Variants in RNF111 observed in about 807,000 individuals in gnomAD.
RNF111 encodes E3 ubiquitin-protein ligase Arkadia.
RNF111 carries 17 observed loss-of-function variants against 95.1 expected under a neutral mutation model. That is an observed-to-expected ratio of 0.18 (90% confidence interval 0.12 to 0.27). RNF111 has a LOEUF of 0.27. Ranked by LOEUF, RNF111 falls within the 10% of genes least tolerant of loss-of-function variation. RNF111 has a pLI of 1.00. For synonymous variants in RNF111, 440 were observed against 414.8 expected, an observed-to-expected ratio of 1.06 and a Z score of -0.74; for missense variants, 1,189 against 1,210.4, an observed-to-expected ratio of 0.98 and a Z score of 0.26.
intron 1 of RNF111, among the ~76,000 whole-genome samples, chr15:58,998,349 G>C (rs1301786467): frequency 6.6e-6 from 1 of 151,806 alleles, no homozygotes; most frequent in Non-Finnish European, 1.5e-5. Flanking sequence ...CACCACCCAG[G>C]TATTAAGCCT....
intron 1 of RNF111, among the ~76,000 whole-genome samples, chr15:58,999,213 C>G (rs1425217283): frequency 1.3e-5 from 2 of 152,126 alleles, no homozygotes; most frequent in Non-Finnish European, 2.9e-5. Context: ...TGTGACAATC[C>G]AGTTTTCTTC....
chr15:59,054,196 C>G (rs772306452), intron 3 of RNF111, among the ~76,000 whole-genome samples: 9 of 152,238 alleles, frequency 5.9e-5, no homozygotes, highest in South Asian at 4.1e-4. Context: ...CTCGGCCTCC[C>G]AAAGTGCTAG....
intron 1 of RNF111, among the ~76,000 whole-genome samples, chr15:59,018,625 C>T (rs2040184208): frequency 6.6e-6 from 1 of 152,054 alleles, no homozygotes; most frequent in South Asian, 2.1e-4. Context: ...AATTTCTACC[C>T]TATTGTTTCA....
chr15:58,994,666 C>T (rs553594155), intron 1 of RNF111, among the ~76,000 whole-genome samples: 14 of 149,522 alleles, frequency 9.4e-5, no homozygotes, highest in African/African-American at 2.9e-4. Context: ...TAGTTAGAGA[C>T]GAGGTTTCAC....
chr15:59,085,744 C>G lies in RNF111; in HGVS notation c.2509C>G (p.Pro837Ala). Residue 837 changes from proline (P) to alanine (A), a missense_variant, in exon 10 of 14, where the codon CCT becomes GCT. Transcript: ENST00000348370. The stretch of plus-strand genomic sequence containing the variant: ...TCACTTGGCCCATTATCACGCACCT[C>G]CTCGACTTCATCACTTACAATTAGG... Reference protein sequence around the residue: ...HPHLAHYHAPPRLHHLQLGAL... With the variant: ...HPHLAHYHAPARLHHLQLGAL... The G allele has an allele frequency of 6.2e-7, 1 of 1,613,508 alleles. No homozygotes were observed. The highest frequency in any genetic ancestry group is 8.5e-7 in the Non-Finnish European group (1 of 1,179,648).
At chr15:59,055,969 AT>A (rs1411695049) in intron 4 of RNF111, 124 bp downstream of exon 4, 1 of 735,922 alleles carries the variant, frequency 1.4e-6, no homozygotes, top group Non-Finnish European at 2.0e-6. Flanking sequence ...AAATTGTCAG[AT>A]TTTTTAATCT....
rs1336783101 is a variant in RNF111, at chr15:59,055,710, T to A, written c.1036T>A (p.Ser346Thr). Reference protein sequence around the residue: ...RSRSTLGHSRSHWSQGSSSHA... With the variant: ...RSRSTLGHSRTHWSQGSSSHA... ...TCGTTCAACCCTTGGACACTCCAGATCTCATTGGAGCCAGGGTTCCAGTTC... is the reference window on the plus strand; with the variant it reads ...TCGTTCAACCCTTGGACACTCCAGAACTCATTGGAGCCAGGGTTCCAGTTC... Residue 346 changes from serine (S) to threonine (T), a missense_variant, in exon 4 of 14, where the codon TCT becomes ACT. Coordinates refer to ENST00000348370, the MANE Select transcript of RNF111 (RefSeq NM_017610.8). 2.0e-5 allele frequency: 33 copies of A among 1,613,894 alleles called. No homozygotes were observed. The highest frequency in any genetic ancestry group is 2.8e-5 in the Non-Finnish European group (33 of 1,179,898).
At chr15:59,013,191 A>C (rs1378146631) in intron 1 of RNF111, among the ~76,000 whole-genome samples, 2 of 152,190 alleles carry the variant, frequency 1.3e-5, no homozygotes, top group African/African-American at 4.8e-5. Context: ...TTTTAAAAAA[A>C]TGAATTTATT....
At chr15:59,080,460 AC>A (rs2078708071) in intron 7 of RNF111, among the ~76,000 whole-genome samples, 1 of 152,082 alleles carries the variant, frequency 6.6e-6, no homozygotes, top group Admixed American at 6.6e-5. Context: ...AATTATGGCA[AC>A]CTTTTGGAAA....
At chr15:59,078,945 A>G (rs2078655741) in intron 7 of RNF111, among the ~76,000 whole-genome samples, 1 of 152,182 alleles carries the variant, frequency 6.6e-6, no homozygotes, top group South Asian at 2.1e-4. Context: ...CTGTAAAGCT[A>G]TGGGAATGCA....
intron 1 of RNF111, among the ~76,000 whole-genome samples, chr15:58,995,764 CTTTTTTT>C (rs34209382): frequency 4.0e-5 from 4 of 99,528 alleles, no homozygotes; most frequent in African/African-American, 8.0e-5. Context: ...GTGCCCCGGC[CTTTTTTT>C]TTTTTTTTTT....
intron 1 of RNF111, among the ~76,000 whole-genome samples, chr15:59,017,737 C>T (rs1193655511): frequency 5.7e-5 from 8 of 140,776 alleles, no homozygotes; most frequent in African/African-American, 1.8e-4. Context: ...AGGTTTGTTA[C>T]ATTATTTGTT....
chr15:59,076,251 C>T, intron 7 of RNF111, 36 bp downstream of exon 7: 1 of 1,590,972 alleles, frequency 6.3e-7, no homozygotes, highest in Non-Finnish European at 8.6e-7. Flanking sequence ...AATCTAGAGT[C>T]ATGTCAATGA....
intron 2 of RNF111, among the ~76,000 whole-genome samples, chr15:59,038,715 A>G (rs555871466): frequency 1.6e-4 from 24 of 152,230 alleles, no homozygotes; most frequent in Non-Finnish European, 2.5e-4. Flanking sequence ...TCTTTTTTAT[A>G]TATGGCATCA....
chr15:59,094,654 T>G, intron 13 of RNF111, 129 bp from the exon 14 acceptor site: 1 of 601,446 alleles, frequency 1.7e-6, no homozygotes, highest in Admixed American at 2.8e-5. Context: ...TTAATCGATG[T>G]GTTTTTTATA....
intron 1 of RNF111, among the ~76,000 whole-genome samples, chr15:59,019,613 G>A (rs962132062): frequency 6.6e-6 from 1 of 151,968 alleles, no homozygotes; most frequent in East Asian, 1.9e-4. Flanking sequence ...GTTGCTTTGG[G>A]GAAAGTGATC....
intron 1 of RNF111, among the ~76,000 whole-genome samples, chr15:59,016,892 A>G (rs745703368): frequency 1.3e-5 from 2 of 151,970 alleles, no homozygotes; most frequent in African/African-American, 4.8e-5. Flanking sequence ...GCATTCTTGT[A>G]GGAGCATGAA....
chr15:59,076,051 C>T lies in RNF111; in HGVS notation c.1784C>T (p.Ser595Phe). ...ASAFDPCCPV[S>F]SSRAAIFGHQ... Reference sequence around the variant, plus strand: ...GCATTTGACCCCTGCTGCCCTGTTTCTTCCTCCCGAGCTGCAATCTTTGGC... The same window carrying T: ...GCATTTGACCCCTGCTGCCCTGTTTTTTCCTCCCGAGCTGCAATCTTTGGC... The change falls in exon 7 of 14, where the codon TCT becomes TTT. Residue 595 changes from serine to phenylalanine, a missense_variant. Coordinates refer to ENST00000348370, the MANE Select transcript of RNF111 (RefSeq NM_017610.8). 2.5e-6 allele frequency: 4 copies of T among 1,614,218 alleles called. No homozygotes were observed. The highest frequency in any genetic ancestry group is 3.4e-6 in the Non-Finnish European group (4 of 1,180,044).
Position 59,075,998 on chromosome 15 carries a change from T to C in RNF111, c.1731T>C (p.His577=), listed in dbSNP as rs2043149192. 6.2e-7 allele frequency: 1 copy of C among 1,614,218 alleles called. No homozygotes were observed. The highest frequency in any genetic ancestry group is 2.2e-5 in the East Asian group (1 of 44,882). The change falls in exon 7 of 14, where the codon CAT becomes CAC. Residue 577 remains histidine (H), a synonymous_variant. Transcript: ENST00000348370. ...VDLSNSGIRS[H]GSGSFHGASA... ...TGAGCAACAGTGGTATCAGAAGTCA[T>C]GGAAGTGGCAGTTTTCATGGAGCAT...
Sources: gnomAD v4.1 joint callset for allele counts (sites outside exome capture counted in the v4.1 genomes callset) on GRCh38, gnomAD v4.1.1 for gene constraint, MANE v1.5 for transcripts, NCBI Gene and HGNC (gene_info 2026-07-23, HGNC 2026-07-21) for gene names.